The following MED12L variants were observed in gnomAD, a reference collection of about 807,000 sequenced individuals.
The protein encoded by MED12L is mediator of RNA polymerase II transcription subunit 12-like protein.
In MED12L, 60 loss-of-function variants were observed where a neutral mutation model predicts 281.3. That is an observed-to-expected ratio of 0.21 (90% CI 0.17 to 0.26). The LOEUF (loss-of-function observed/expected upper bound fraction) is 0.26. Among genes scored for constraint, MED12L ranks in the 10% least tolerant of loss-of-function variants. The pLI is 1.00. For synonymous variants in MED12L, 974 were observed against 987.2 expected (o/e 0.99, Z 0.25); for missense variants, 2,146 against 2,680.9 (o/e 0.80, Z 4.41).
At chr3:151,132,376 A>G (rs1715519674) in intron 5 of MED12L, among the ~76,000 whole-genome samples, 1 of 152,170 alleles carries the variant, frequency 6.6e-6, no homozygotes, top group Non-Finnish European at 1.5e-5. Context: ...AATCTAGAAC[A>G]GTTCATTAGC....
chr3:151,306,714 C>T (rs954111831), intron 16 of MED12L, among the ~76,000 whole-genome samples: 1 of 152,310 alleles, frequency 6.6e-6, no homozygotes. Flanking sequence ...GCCGGTGTGC[C>T]CTGCCCTGCC....
chr3:151,416,792 C>T (rs970235309), intron 43 of MED12L, among the ~76,000 whole-genome samples: 1 of 152,184 alleles, frequency 6.6e-6, no homozygotes, highest in Non-Finnish European at 1.5e-5. Flanking sequence ...ATCTCAAAAA[C>T]CATGGGCGCA....
At chr3:151,261,504 C>T (rs1254360100) in intron 16 of MED12L, 1 of 152,056 alleles carries the variant, frequency 6.6e-6, no homozygotes, top group Non-Finnish European at 1.5e-5. Flanking sequence ...AGGTTGGTTG[C>T]TTATCTTCAG....
chr3:151,108,631 C>G (rs554045359), intron 2 of MED12L, among the ~76,000 whole-genome samples: 16 of 152,242 alleles, frequency 1.1e-4, no homozygotes, highest in African/African-American at 3.9e-4. Context: ...GGATATTTTT[C>G]TACTTCTGTG....
At chr3:151,198,198 T>C in intron 16 of MED12L, 1 of 390,142 alleles carries the variant, frequency 2.6e-6, no homozygotes, top group Admixed American at 4.1e-5. Context: ...AATGAGACTC[T>C]TTAGTTTTTT....
intron 11 of MED12L, among the ~76,000 whole-genome samples, chr3:151,184,603 A>G (rs1014042907): frequency 6.6e-6 from 1 of 152,114 alleles, no homozygotes; most frequent in African/African-American, 2.4e-5. Flanking sequence ...TCCGCGACTC[A>G]TGTCATTTGG....
chr3:151,430,191 G>T lies in MED12L; in HGVS notation c.6409-108G>T, dbSNP rs113777357. On this transcript the variant is annotated intron_variant, in intron 43 of 44. Transcript: ENST00000687756. ...ACAGTTGTCATAGCCCTTTTTTCGT[G>T]AAGTGTTGAGAAGTACCTTACAGAC... 743 of 1,481,688 alleles carry T rather than the reference G, an allele frequency of 5.0e-4. 4 individuals are homozygous for T. In the African/African-American group the frequency reaches 9.2e-3, roughly 18 times the overall value. The allele number at this position is 1,481,688 out of a possible 1,614,324, so 91.8% of individuals were successfully genotyped here. A position where few individuals can be genotyped will look rare whatever the true frequency, so the allele number is the denominator to read the frequency against.
intron 16 of MED12L, among the ~76,000 whole-genome samples, chr3:151,237,356 T>TC (rs1337213213): frequency 2.0e-4 from 26 of 130,998 alleles, no homozygotes; most frequent in Non-Finnish European, 3.0e-4. Flanking sequence ...TTTTCTTTTT[T>TC]TTTTTTTTTT....
At chr3:151,113,838 AATGAGCAGCT>A (rs1427886396) in intron 2 of MED12L, among the ~76,000 whole-genome samples, 3 of 152,214 alleles carry the variant, frequency 2.0e-5, no homozygotes, top group Non-Finnish European at 4.4e-5. Context: ...AGTTGGATAC[AATGAGCAGCT>A]ATCTGATCTG....
intron 16 of MED12L, among the ~76,000 whole-genome samples, chr3:151,299,645 A>AT (rs1427211146): frequency 1.3e-5 from 2 of 151,590 alleles, no homozygotes; most frequent in African/African-American, 2.4e-5. Flanking sequence ...CACCTGGCTA[A>AT]TTTTTTGTAT....
chr3:151,210,264 G>T (rs1726948026), intron 16 of MED12L, among the ~76,000 whole-genome samples: 2 of 152,184 alleles, frequency 1.3e-5, no homozygotes, highest in South Asian at 2.1e-4. Context: ...CCCCTTATGT[G>T]GGGGATGGGG....
chr3:151,103,073 C>A (rs1721585425), intron 2 of MED12L, among the ~76,000 whole-genome samples: 1 of 152,158 alleles, frequency 6.6e-6, no homozygotes, highest in African/African-American at 2.4e-5. Flanking sequence ...GATTGCAATG[C>A]AAGAACTATA....
At chr3:151,124,821 C>T (rs1714268166) in intron 4 of MED12L, among the ~76,000 whole-genome samples, 1 of 152,212 alleles carries the variant, frequency 6.6e-6, no homozygotes, top group Non-Finnish European at 1.5e-5. Context: ...GAAAAGGAGA[C>T]TTCTGGCATC....
chr3:151,309,875 T>C (rs1342945472), intron 16 of MED12L, among the ~76,000 whole-genome samples: 1 of 152,226 alleles, frequency 6.6e-6, no homozygotes, highest in Non-Finnish European at 1.5e-5. Context: ...GGAAGGCATA[T>C]GTCAGTTTTT....
In MED12L at chr3:151,213,358, A is replaced by G. The variant is rs115868899; in HGVS notation, c.2250+19692A>G. 1,027 of 1,613,808 alleles carry G rather than the reference A, an allele frequency of 6.4e-4. 9 individuals carry two copies. In the African/African-American group the frequency reaches 0.012, roughly 19 times the overall value. The stretch of plus-strand genomic sequence containing the variant: ...TCCTCTTTTGATTCTGGAAATGTCT[A>G]GGTCATTCTGAGCTTTTAATGGAAT... On this transcript the variant is annotated intron_variant, in intron 16 of 44. Transcript: ENST00000687756.
intron 16 of MED12L, chr3:151,328,645 T>C (rs1276671546): frequency 6.2e-7 from 1 of 1,613,990 alleles, no homozygotes; most frequent in South Asian, 1.1e-5. Flanking sequence ...TGTCAAAGGC[T>C]ATGAGCCCTA....
chr3:151,388,692 T>A (rs1350314206), intron 37 of MED12L, among the ~76,000 whole-genome samples: 2 of 152,228 alleles, frequency 1.3e-5, no homozygotes, highest in Admixed American at 1.3e-4. Flanking sequence ...TACCATGTTT[T>A]CAGACTTTAT....
At chr3:151,277,000 G>A (rs1245775437) in intron 16 of MED12L, among the ~76,000 whole-genome samples, 7 of 152,062 alleles carry the variant, frequency 4.6e-5, no homozygotes, top group Admixed American at 6.6e-5. Flanking sequence ...AGACTCAAGC[G>A]ATTCTCCTGC....
At chr3:151,429,296 G>T (rs1433188768) in intron 43 of MED12L, among the ~76,000 whole-genome samples, 1 of 152,200 alleles carries the variant, frequency 6.6e-6, no homozygotes, top group African/African-American at 2.4e-5. Flanking sequence ...CCACCTAGAA[G>T]TCGGAGGGCA....
Sources: gnomAD v4.1 joint callset for allele counts (sites outside exome capture counted in the v4.1 genomes callset) on GRCh38, gnomAD v4.1.1 for gene constraint, MANE v1.5 for transcripts, NCBI Gene and HGNC (gene_info 2026-07-23, HGNC 2026-07-21) for gene names.